The following MAGI2 variants were observed in gnomAD, a reference collection of about 807,000 sequenced individuals.
MAGI2 encodes the protein membrane associated guanylate kinase, WW and PDZ domain containing 2.
MAGI2 carries 35 observed loss-of-function variants against 133.3 expected under a neutral mutation model. That is an observed-to-expected ratio of 0.26 (90% CI 0.20 to 0.35). The LOEUF (loss-of-function observed/expected upper bound fraction) is 0.35, where lower values mean the gene tolerates loss of function less well. MAGI2 is among the 10% of genes least tolerant of loss of function. The pLI, the probability that MAGI2 is intolerant of heterozygous loss-of-function variation, is 1.00. For synonymous variants in MAGI2, 729 were observed against 710.6 expected (o/e 1.03, Z -0.41); for missense variants, 1,636 against 1,863.4 (o/e 0.88, Z 2.25).
chr7:78,093,998 T>A (rs980081445), intron 20 of MAGI2, among the ~76,000 whole-genome samples: 2 of 152,198 alleles, frequency 1.3e-5, no homozygotes, highest in South Asian at 2.1e-4. Context: ...AAAATTCAAA[T>A]TAGCCCTGAA....
intron 9 of MAGI2, among the ~76,000 whole-genome samples, chr7:78,258,450 T>C (rs1464718762): frequency 6.6e-6 from 1 of 152,188 alleles, no homozygotes; most frequent in African/African-American, 2.4e-5. Flanking sequence ...AACTTAATGA[T>C]TGGAACATTG....
chr7:79,147,061 A>G (rs1822712159), intron 1 of MAGI2, among the ~76,000 whole-genome samples: 2 of 152,118 alleles, frequency 1.3e-5, no homozygotes, highest in African/African-American at 2.4e-5. Context: ...AACAGTTACT[A>G]CCCATCATGG....
chr7:78,238,440 C>T (rs182751364), intron 10 of MAGI2, among the ~76,000 whole-genome samples: 76 of 152,158 alleles, frequency 5.0e-4, no homozygotes, highest in Middle Eastern at 3.4e-3. Context: ...GTGGTACATG[C>T]CCGTAGTACC....
At chr7:78,264,738 TC>T (rs1793833405) in intron 9 of MAGI2, among the ~76,000 whole-genome samples, 1 of 152,188 alleles carries the variant, frequency 6.6e-6, no homozygotes, top group Non-Finnish European at 1.5e-5. Context: ...TACTTTATTT[TC>T]ACGTAAAATG....
chr7:79,188,943 T>A (rs551202517), intron 1 of MAGI2, among the ~76,000 whole-genome samples: 39 of 151,860 alleles, frequency 2.6e-4, no homozygotes, highest in Non-Finnish European at 4.9e-4. Context: ...ATATAACCAA[T>A]GCCTTTCCAT....
rs550831800 is a variant in MAGI2 at position 79,331,203 on chromosome 7, A to C, written c.301+121817T>G. On this transcript the variant is annotated intron_variant, in intron 1 of 21. Coordinates refer to ENST00000354212, the MANE Select transcript of MAGI2 (RefSeq NM_012301.4). ...TGCAGAGAAAACACAGAATTACTAAATTTAAAGGCTTTGTGGTCCAGCTAA... is the reference window on the plus strand; with the variant it reads ...TGCAGAGAAAACACAGAATTACTAACTTTAAAGGCTTTGTGGTCCAGCTAA... Among the ~76,000 whole-genome samples the C allele has an allele frequency of 1.2e-4, 19 of 152,262 alleles. No homozygotes were observed. In the East Asian group the frequency reaches 3.5e-3, roughly 28 times the overall value.
chr7:79,065,737 T>C (rs754353127), intron 1 of MAGI2, among the ~76,000 whole-genome samples: 56 of 152,056 alleles, frequency 3.7e-4, no homozygotes, highest in Non-Finnish European at 6.2e-4. Flanking sequence ...AAATCCCCAG[T>C]GTGTGATGTT....
At chr7:78,973,015 C>T (rs1482320128) in intron 2 of MAGI2, among the ~76,000 whole-genome samples, 1 of 151,490 alleles carries the variant, frequency 6.6e-6, no homozygotes, top group Non-Finnish European at 1.5e-5. Context: ...TTTATCATTT[C>T]CCTCAAAGTA....
intron 1 of MAGI2, among the ~76,000 whole-genome samples, chr7:79,173,634 G>C (rs983050): frequency 0.79 from 119,906 of 152,004 alleles, 48,070 homozygotes; most frequent in Non-Finnish European, 0.87. Flanking sequence ...GTCTAGTGCC[G>C]AGTTTTCTTT....
At chr7:79,151,618 C>T (rs1823254188) in intron 1 of MAGI2, among the ~76,000 whole-genome samples, 1 of 152,074 alleles carries the variant, frequency 6.6e-6, no homozygotes, top group Non-Finnish European at 1.5e-5. Context: ...CAATTTTTAA[C>T]CACTAATTTT....
At chr7:79,423,936 G>A (rs906803698) in intron 1 of MAGI2, among the ~76,000 whole-genome samples, 1 of 152,072 alleles carries the variant, frequency 6.6e-6, no homozygotes, top group East Asian at 1.9e-4. Context: ...TGTTTATTTG[G>A]TTCATGTAAC....
intron 2 of MAGI2, among the ~76,000 whole-genome samples, chr7:78,805,032 C>T (rs188435866): frequency 4.0e-5 from 6 of 151,474 alleles, no homozygotes; most frequent in Admixed American, 1.3e-4. Flanking sequence ...CACATCATTG[C>T]ACTCCAGCCT....
intron 10 of MAGI2, among the ~76,000 whole-genome samples, chr7:78,224,398 G>A (rs531771846): frequency 6.6e-6 from 1 of 152,134 alleles, no homozygotes; most frequent in African/African-American, 2.4e-5. Flanking sequence ...AGGCGCGGTG[G>A]CTCATGCCTA....
intron 3 of MAGI2, among the ~76,000 whole-genome samples, chr7:78,536,741 T>G (rs958048347): frequency 7.1e-6 from 1 of 140,500 alleles, no homozygotes; most frequent in African/African-American, 2.6e-5. Flanking sequence ...CAATAGTTTT[T>G]TTTTTGTTTT....
At chr7:78,071,391 GT>G (rs1310879783) in intron 21 of MAGI2, among the ~76,000 whole-genome samples, 3 of 152,128 alleles carry the variant, frequency 2.0e-5, no homozygotes, top group African/African-American at 7.2e-5. Flanking sequence ...CAAAAAATTA[GT>G]TGGGCATGGT....
intron 10 of MAGI2, among the ~76,000 whole-genome samples, chr7:78,225,746 A>G (rs1325577403): frequency 6.6e-6 from 1 of 152,214 alleles, no homozygotes; most frequent in Non-Finnish European, 1.5e-5. Flanking sequence ...CTTTCTAAAC[A>G]GTCCAGTCCA....
chr7:79,214,833 A>C (rs848812), intron 1 of MAGI2, among the ~76,000 whole-genome samples: 1,613 of 144,138 alleles, frequency 0.011, 41 homozygotes, highest in African/African-American at 0.038. Flanking sequence ...ATAAATTATA[A>C]AATTATAAAA....
At chr7:79,139,371 T>A (rs1821907170) in intron 1 of MAGI2, among the ~76,000 whole-genome samples, 1 of 152,194 alleles carries the variant, frequency 6.6e-6, no homozygotes, top group African/African-American at 2.4e-5. Context: ...CTCCCAACAA[T>A]TCTACAAAGG....
intron 1 of MAGI2, chr7:79,415,183 A>C (rs1846415360): frequency 6.6e-6 from 1 of 152,156 alleles, no homozygotes; most frequent in Non-Finnish European, 1.5e-5. Context: ...AATTCATGAG[A>C]TGTGAAAAAA....
Sources: gnomAD v4.1 joint callset for allele counts (sites outside exome capture counted in the v4.1 genomes callset) on GRCh38, gnomAD v4.1.1 for gene constraint, MANE v1.5 for transcripts, NCBI Gene and HGNC (gene_info 2026-07-23, HGNC 2026-07-21) for gene names.